Variants in FAM83H observed in about 807,000 individuals in gnomAD.
The protein encoded by FAM83H is scaffolding CK1 anchoring protein H.
A neutral mutation model predicts 30.2 loss-of-function variants in FAM83H; 24 were observed. That is an observed-to-expected ratio of 0.79 (90% CI 0.57 to 1.12). FAM83H has a LOEUF of 1.12. FAM83H is among the 50% of genes most tolerant of loss of function. The pLI is 0.00. For missense variants in FAM83H, 2,038 were observed against 1,773.9 expected (o/e 1.15, Z -2.67); for synonymous variants, 1,013 against 821.7 (o/e 1.23, Z -3.98).
chr8:143,731,590 C>A, intron 1 of FAM83H: 22 of 985,478 alleles, frequency 2.2e-5, no homozygotes, highest in Non-Finnish European at 2.7e-5. Context: ...CCTTGGCCTA[C>A]CTTTGACCTC....
Position 143,727,395 on chromosome 8 carries a change from C to G in FAM83H, c.2066G>C (p.Ser689Thr). The change falls in exon 5 of 5, where the codon AGC becomes ACC. Residue 689 changes from serine (S) to threonine (T), a missense_variant. Coordinates refer to ENST00000388913, the MANE Select transcript of FAM83H (RefSeq NM_198488.5). ...SSRLRSSLIFSTSQAEGAAGA... is the reference protein window; with the variant it reads ...SSRLRSSLIFTTSQAEGAAGA... ...GGCCGCGCCCTCGGCCTGTGACGTG[C>G]TGAAGATGAGCGAGGAGCGCAGCCT... 1 of 1,573,942 alleles carries G rather than the reference C, an allele frequency of 6.4e-7. No homozygotes were observed. Among genetic ancestry groups the G allele is most frequent in the Non-Finnish European group, 8.6e-7 (1 of 1,168,200 alleles).
At position 143,733,540 on chromosome 8, in the gene FAM83H, C is replaced by G. The variant is rs1209396558; in HGVS notation, c.-16+151G>C. ...AGCCCCGCCACCCCGGCCCCGCGCA[C>G]GCGGCCGCGCTCCACTCCCACCGCC... On this transcript the variant is annotated intron_variant, in intron 1 of 4. Transcript: ENST00000388913. The surrounding 1 kb of genome is among the most constrained non-coding windows in gnomAD (Gnocchi z 5.6). 6.6e-6 allele frequency among the ~76,000 whole-genome samples: 1 copy of G among 151,576 alleles called. No homozygotes were observed. The highest frequency in any genetic ancestry group is 1.5e-5 in the Non-Finnish European group (1 of 67,800).
rs7006370 is a variant in FAM83H, at chr8:143,732,240, C to T, written c.-16+1451G>A. 5.9e-4 allele frequency: 584 copies of T among 985,430 alleles called. 3 individuals are homozygous for T. The African/African-American group carries it at 9.2e-3, about 16-fold the overall frequency. The allele number at this position is 985,430 out of a possible 1,614,324, so 61.0% of individuals were successfully genotyped here. On this transcript the variant is annotated intron_variant, in intron 1 of 4. Coordinates refer to ENST00000388913, the MANE Select transcript of FAM83H (RefSeq NM_198488.5). ...CCACTCAACAGCCCTAGATGCCAAC[C>T]GGCTTGGGAGAAGCTGTCCCAACAT...
rs375167154 is a variant in FAM83H, at chr8:143,727,602, G to A, written c.1859C>T (p.Ala620Val). Residue 620 changes from alanine (A) to valine (V), a missense_variant, in exon 5 of 5, where the codon GCA becomes GTA. Physicochemically the swap from Ala to Val is moderately conservative, Grantham distance 64 (BLOSUM62 0). Transcript: ENST00000388913. ...CGAGGGGAGCAGGTCGCCGGCAGGTGCCCGGCCCCCGGGAGCCAGCACGTC... is the reference window on the plus strand; with the variant it reads ...CGAGGGGAGCAGGTCGCCGGCAGGTACCCGGCCCCCGGGAGCCAGCACGTC... The part of the protein sequence containing the change: ...EDDVLAPGGR[A>V]PAGDLLPSAF... 4.9e-4 allele frequency: 778 copies of A among 1,580,848 alleles called. 4 individuals carry two copies. In the African/African-American group the frequency reaches 9.3e-3, roughly 19 times the overall value.
chr8:143,726,912 C>T lies in FAM83H; in HGVS notation c.2549G>A (p.Ser850Asn). ...SHSTSPQGLDSPLPLEGSGAH... is the reference protein window; with the variant it reads ...SHSTSPQGLDNPLPLEGSGAH... ...TCCGGACCCTTCCAGCGGCAGAGGG[C>T]TGTCCAGCCCTTGCGGGGACGTTGA... Residue 850 changes from serine to asparagine, a missense_variant, in exon 5 of 5, where the codon AGC (serine) becomes AAC (asparagine). Transcript: ENST00000388913. The T allele has an allele frequency of 6.2e-7, 1 of 1,612,474 alleles. No homozygotes were observed. The highest frequency in any genetic ancestry group is 8.5e-7 in the Non-Finnish European group (1 of 1,179,808).
chr8:143,728,537 G>A lies in FAM83H; in HGVS notation c.924C>T (p.Leu308=), dbSNP rs557858967. ...GCGCCCCGACCCCAGGGACGCCCAC[G>A]AGAGGCCCGGCCCCGGCATACGGAG... The part of the protein sequence containing the change: ...ALAPYAGAGP[L]VGVPGVGAPT... Residue 308 remains leucine, a synonymous_variant, in exon 5 of 5, where the codon CTC becomes CTT. Coordinates refer to ENST00000388913, the MANE Select transcript of FAM83H (RefSeq NM_198488.5). 489 of 1,569,260 alleles carry A rather than the reference G, an allele frequency of 3.1e-4. 5 individuals carry two copies. The South Asian group carries it at 5.2e-3, about 17-fold the overall frequency.
At chr8:143,729,516 C>T (rs1199454643) in intron 2 of FAM83H, among the ~76,000 whole-genome samples, 193 bp from the exon 3 acceptor site, 2 of 152,132 alleles carry the variant, frequency 1.3e-5, no homozygotes, top group Admixed American at 1.3e-4. Flanking sequence ...AGGTGTGGAA[C>T]GGCTGGCCAT....
Position 143,730,144 on chromosome 8 carries a change from C to A in FAM83H, c.439G>T (p.Ala147Ser). The change falls in exon 2 of 5, where the codon GCC becomes TCC. Residue 147 changes from alanine (A) to serine (S), a missense_variant. Coordinates refer to ENST00000388913, the MANE Select transcript of FAM83H (RefSeq NM_198488.5). ...AGCCCAAGATGGCGCACCTGCTGGG[C>A]GGAACGGATCATCCTGCGGGCCTCA... Reference protein sequence around the residue: ...KDEARRMIRSAQQVVAVVMDM... With the variant: ...KDEARRMIRSSQQVVAVVMDM... The A allele has an allele frequency of 6.4e-7, 1 of 1,570,984 alleles. No individual in the cohort carries two copies. Among genetic ancestry groups the A allele is most frequent in the South Asian group, 1.2e-5 (1 of 84,760 alleles).
intron 1 of FAM83H, chr8:143,732,471 A>T (rs1039237664): frequency 1.6e-5 from 16 of 985,116 alleles, no homozygotes; most frequent in Non-Finnish European, 1.9e-5. Flanking sequence ...AACCCTGCTG[A>T]TGTTGTTTGA....
At position 143,730,457 on chromosome 8, in the gene FAM83H, G is replaced by C. The variant is rs782527692; in HGVS notation, c.126C>G (p.Ala42=). 3 of 1,611,732 alleles carry C rather than the reference G, an allele frequency of 1.9e-6. No homozygotes were observed. Among genetic ancestry groups the C allele is most frequent in the Admixed American group, 3.3e-5 (2 of 60,008 alleles). The change falls in exon 2 of 5, where the codon GCC becomes GCG. Residue 42 remains alanine (A), a synonymous_variant. Coordinates refer to ENST00000388913, the MANE Select transcript of FAM83H (RefSeq NM_198488.5). ...VDALAEGGSE[A]YSRFLATEGA... ...CCTCGGTAGCGAGGAAGCGGCTGTAGGCCTCCGAGCCACCCTCGGCCAGTG... is the reference window on the plus strand; with the variant it reads ...CCTCGGTAGCGAGGAAGCGGCTGTACGCCTCCGAGCCACCCTCGGCCAGTG...
intron 1 of FAM83H, chr8:143,731,597 C>A: frequency 1.0e-6 from 1 of 985,488 alleles, no homozygotes; most frequent in South Asian, 4.7e-5. Context: ...CTACCTTTGA[C>A]CTCTTTCTTG....
intron 2 of FAM83H, among the ~76,000 whole-genome samples, chr8:143,729,627 G>A (rs939717881): frequency 1.7e-4 from 26 of 152,206 alleles, no homozygotes; most frequent in African/African-American, 4.8e-4. Context: ...CCCTACAGAC[G>A]GCTGAGCTGC....
chr8:143,726,293 C>T lies in FAM83H; in HGVS notation c.3168G>A (p.Ala1056=), dbSNP rs782687358. ...QISAHGQKHR[A]VPAPSPGPTH... is the part of the protein sequence containing the mutation. ...TCGGGCCGGGGCTCGGGGCAGGGACCGCACGGTGCTTCTGGCCGTGGGCAC... is the reference window on the plus strand; with the variant it reads ...TCGGGCCGGGGCTCGGGGCAGGGACTGCACGGTGCTTCTGGCCGTGGGCAC... The change falls in exon 5 of 5, where the codon GCG becomes GCA. Residue 1056 remains alanine, a synonymous_variant. Transcript: ENST00000388913. The T allele has an allele frequency of 3.1e-6, 5 of 1,612,164 alleles. No homozygotes were observed. The highest frequency in any genetic ancestry group is 4.2e-6 in the Non-Finnish European group (5 of 1,179,726).
intron 1 of FAM83H, chr8:143,731,377 A>C: frequency 3.0e-6 from 3 of 985,300 alleles, no homozygotes; most frequent in Non-Finnish European, 3.6e-6. Flanking sequence ...CACCACGCCT[A>C]GCCCAAGGTG....
chr8:143,728,424 G>A lies in FAM83H; in HGVS notation c.1037C>T (p.Pro346Leu), dbSNP rs536088856. ...GAAGGCCGACAGGAAGTGGCGGTCC[G>A]GGTCGAGGAAGGAGGGGAAGCCCAG... ...EGLGFPSFLDPDRHFLSAFRR... is the reference protein window; with the variant it reads ...EGLGFPSFLDLDRHFLSAFRR... The change falls in exon 5 of 5, where the codon CCG becomes CTG. Residue 346 changes from proline to leucine, a missense_variant. By Grantham distance (98) the Pro-to-Leu change is moderately conservative. Coordinates refer to ENST00000388913, the MANE Select transcript of FAM83H (RefSeq NM_198488.5). 18 of 1,548,584 alleles carry A rather than the reference G, an allele frequency of 1.2e-5. No individual in the cohort carries two copies. The highest frequency in any genetic ancestry group is 2.4e-5 in the East Asian group (1 of 40,920).
rs431825180 is a variant in FAM83H, at chr8:143,726,696, C to T, written c.2765G>A (p.Arg922His). 6.2e-7 allele frequency: 1 copy of T among 1,602,250 alleles called. No individual in the cohort carries two copies. The highest frequency in any genetic ancestry group is 1.3e-5 in the African/African-American group (1 of 74,900). ...RGSPVPPVPE[R>H]RSSPVPPVPE... is the part of the protein sequence containing the mutation. ...CACGGGGGGCACCGGACTGCTCCTGCGCTCCGGCACGGGGGGCACCGGACT... is the reference window on the plus strand; with the variant it reads ...CACGGGGGGCACCGGACTGCTCCTGTGCTCCGGCACGGGGGGCACCGGACT... Residue 922 changes from arginine (R) to histidine (H), a missense_variant, in exon 5 of 5, where the codon CGC (arginine) becomes CAC (histidine). Transcript: ENST00000388913.
At chr8:143,732,824 A>G (rs1818576113) in intron 1 of FAM83H, 3 of 755,970 alleles carry the variant, frequency 4.0e-6, no homozygotes, top group South Asian at 1.2e-4. Flanking sequence ...GAGGGCGCGG[A>G]ACCCACCCAT....
rs782545880 is a variant in FAM83H, at chr8:143,727,413, C to T, written c.2048G>A (p.Arg683His). 3.2e-6 allele frequency: 5 copies of T among 1,571,348 alleles called. No individual in the cohort carries two copies. Among genetic ancestry groups the T allele is most frequent in the Non-Finnish European group, 4.3e-6 (5 of 1,166,534 alleles). ...TGACGTGCTGAAGATGAGCGAGGAGCGCAGCCTGGAGCTGCGCTGGACCAG... is the reference window on the plus strand; with the variant it reads ...TGACGTGCTGAAGATGAGCGAGGAGTGCAGCCTGGAGCTGCGCTGGACCAG... ...NPLVQRSSRL[R>H]SSLIFSTSQA... is the part of the protein sequence containing the mutation. The change falls in exon 5 of 5, where the codon CGC becomes CAC. Residue 683 changes from arginine to histidine, a missense_variant. By Grantham distance (29) the Arg-to-His change is conservative. Transcript: ENST00000388913.
rs1554621877 is a variant in FAM83H at position 143,726,547 on chromosome 8, G to C, written c.2914C>G (p.Leu972Val). Residue 972 changes from leucine to valine, a missense_variant, in exon 5 of 5, where the codon CTG becomes GTG. Transcript: ENST00000388913. ...LRKGSLRLRQLLSPKGERRME... is the reference protein window; with the variant it reads ...LRKGSLRLRQVLSPKGERRME... ...CGCCGCTCGCCCTTGGGGCTCAGCA[G>C]CTGCCTAAGACGCAAGGAGCCTTTG... is the stretch of plus-strand genomic sequence containing the variant. 2.5e-6 allele frequency: 4 copies of C among 1,604,116 alleles called. No homozygotes were observed. Among genetic ancestry groups the C allele is most frequent in the Non-Finnish European group, 3.4e-6 (4 of 1,178,882 alleles).
Sources: allele counts gnomAD v4.1 joint callset (sites outside exome capture counted in the v4.1 genomes callset), GRCh38; gene constraint gnomAD v4.1.1; non-coding constraint Gnocchi (gnomAD v3.1); transcripts MANE v1.5; gene names NCBI Gene and HGNC (gene_info 2026-07-23, HGNC 2026-07-21).